ANKRD7: variants seen among roughly 807,000 people sequenced by gnomAD.
ANKRD7 encodes the protein ankyrin repeat domain 7, also known as ankyrin repeat domain-containing protein 7.
In ANKRD7, 30 loss-of-function variants were observed where a neutral mutation model predicts 30.8. That is an observed-to-expected ratio of 0.97 (90% CI 0.73 to 1.32). The LOEUF (loss-of-function observed/expected upper bound fraction) is 1.32, where lower values mean the gene tolerates loss of function less well. Ranked by LOEUF, ANKRD7 falls within the 40% of genes most tolerant of loss-of-function variation. The pLI, the probability that ANKRD7 is intolerant of heterozygous loss-of-function variation, is 0.00. For synonymous variants in ANKRD7, 97 were observed against 106.6 expected (o/e 0.91, Z 0.55); for missense variants, 264 against 295.7 (o/e 0.89, Z 0.79).
At chr7:118,228,913 T>C (rs1809587259) in intron 1 of ANKRD7, among the ~76,000 whole-genome samples, 1 of 152,212 alleles carries the variant, frequency 6.6e-6, no homozygotes, top group African/African-American at 2.4e-5. Flanking sequence ...AATGATCCTG[T>C]GTAATGTATG....
At chr7:118,229,113 T>G (rs148326173) in intron 1 of ANKRD7, among the ~76,000 whole-genome samples, 1 of 152,262 alleles carries the variant, frequency 6.6e-6, no homozygotes, top group Non-Finnish European at 1.5e-5. Flanking sequence ...GCCTTCTTAC[T>G]GTTCCACAGA....
intron 1 of ANKRD7, among the ~76,000 whole-genome samples, chr7:118,234,101 A>C (rs1809685083): frequency 6.6e-6 from 1 of 152,104 alleles, no homozygotes; most frequent in Admixed American, 6.5e-5. Context: ...TTTTAAATAT[A>C]ATTTCTAAAT....
chr7:118,241,745 G>T (rs1392226738), intron 6 of ANKRD7, among the ~76,000 whole-genome samples: 1 of 151,736 alleles, frequency 6.6e-6, no homozygotes, highest in Non-Finnish European at 1.5e-5. Flanking sequence ...CACCATGTTT[G>T]CCAGGCTGGT....
Position 118,239,994 on chromosome 7 carries a change from G to A in ANKRD7, c.*33G>A. 2.7e-6 allele frequency: 4 copies of A among 1,504,766 alleles called. No homozygotes were observed. Among genetic ancestry groups the A allele is most frequent in the Non-Finnish European group, 2.7e-6 (3 of 1,116,750 alleles). The allele number at this position is 1,504,766 out of a possible 1,614,324, so 93.2% of individuals were successfully genotyped here. A position where few individuals can be genotyped will look rare whatever the true frequency, so the allele number is the denominator to read the frequency against. ...ATTCTTGGCACTACATGTGACTAAA[G>A]GAAGGTAAGATTGCTAACTGGATTA... On this transcript the variant is annotated 3_prime_UTR_variant, in exon 6 of 7. Transcript: ENST00000265224.
chr7:118,227,173 G>T (rs1050505286), intron 1 of ANKRD7, among the ~76,000 whole-genome samples: 1 of 151,620 alleles, frequency 6.6e-6, no homozygotes, highest in Non-Finnish European at 1.5e-5. Context: ...GTTACTTTGG[G>T]ACTTACATAA....
rs765256765 is a variant in ANKRD7 at position 118,234,388 on chromosome 7, C to T, written c.180-43C>T. ...TGGGTAAAACAAGTAACTTCTCAAA[C>T]GAAGACTTATCTCTAACTTTGTGTT... On this transcript the variant is annotated intron_variant, in intron 1 of 6. Transcript: ENST00000265224. 30 of 1,385,674 alleles carry T rather than the reference C, an allele frequency of 2.2e-5. No homozygotes were observed. The East Asian group carries it at 2.8e-4, about 13-fold the overall frequency. The allele number at this position is 1,385,674 out of a possible 1,614,324, so 85.8% of individuals were successfully genotyped here. A position where few individuals can be genotyped will look rare whatever the true frequency, so the allele number is the denominator to read the frequency against.
At chr7:118,226,789 A>G (rs1809549719) in intron 1 of ANKRD7, among the ~76,000 whole-genome samples, 1 of 152,186 alleles carries the variant, frequency 6.6e-6, no homozygotes, top group African/African-American at 2.4e-5. Context: ...TACATGTTTC[A>G]TCTGCTAGTT....
chr7:118,232,948 A>C (rs553998153), intron 1 of ANKRD7, among the ~76,000 whole-genome samples: 1 of 152,208 alleles, frequency 6.6e-6, no homozygotes, highest in Admixed American at 6.5e-5. Flanking sequence ...GCTTAAAGCT[A>C]TTTAGCCCTG....
chr7:118,229,174 G>C (rs2115998854), intron 1 of ANKRD7, among the ~76,000 whole-genome samples: 1 of 152,036 alleles, frequency 6.6e-6, no homozygotes, highest in Non-Finnish European at 1.5e-5. Flanking sequence ...CCTCTGCCTG[G>C]GGTGCTTTTC....
chr7:118,225,117 C>T (rs976719236), intron 1 of ANKRD7, 108 bp downstream of exon 1: 6 of 1,280,042 alleles, frequency 4.7e-6, no homozygotes, highest in African/African-American at 1.5e-5. Context: ...CTCCGGGTTT[C>T]CCAAAGAAGA....
At chr7:118,233,764 A>G (rs1290804030) in intron 1 of ANKRD7, among the ~76,000 whole-genome samples, 5 of 152,148 alleles carry the variant, frequency 3.3e-5, no homozygotes, top group Admixed American at 1.3e-4. Context: ...TTAGAAGTAG[A>G]TAAATGTTTA....
In ANKRD7 at chr7:118,236,927, G is replaced by A. The variant is rs113033396; in HGVS notation, c.712+1G>A. ...ATGTTTATTTCCATGGTTTTACTGC[G>A]TAAGTGATACTGCATGTCTTTTAAC... On this transcript the variant is annotated splice_donor_variant, in intron 5 of 6. Transcript: ENST00000265224. LOFTEE classifies it high-confidence loss of function. 4.0e-5 allele frequency: 64 copies of A among 1,613,296 alleles called. No individual in the cohort carries two copies. In the East Asian group the frequency reaches 8.5e-4, roughly 21 times the overall value.
chr7:118,237,373 CA>C (rs1190874754), intron 5 of ANKRD7, among the ~76,000 whole-genome samples: 1 of 151,972 alleles, frequency 6.6e-6, no homozygotes, highest in East Asian at 1.9e-4. Context: ...TATTTACACC[CA>C]AAAGAAAAAC....
intron 4 of ANKRD7, among the ~76,000 whole-genome samples, 174 bp from the exon 5 acceptor site, chr7:118,236,616 T>A (rs1809734531): frequency 6.6e-6 from 1 of 152,224 alleles, no homozygotes; most frequent in African/African-American, 2.4e-5. Context: ...CTCCATGATA[T>A]GATCTGTGAC....
rs554912760 is a variant in ANKRD7, at chr7:118,232,310, G to GT, written c.180-2112dup. On this transcript the variant is annotated intron_variant, in intron 1 of 6. Coordinates refer to ENST00000265224, the MANE Select transcript of ANKRD7 (RefSeq NM_019644.4). ...TCTGTATGTTTTTTAAAACATTTTG[G>GT]TTTTTTTTTAAACTAAGATGACTGC... Among the ~76,000 whole-genome samples, 7 of 150,938 alleles carry GT rather than the reference G, an allele frequency of 4.6e-5. No homozygotes were observed. The South Asian group carries it at 8.4e-4, about 18-fold the overall frequency.
chr7:118,230,599 G>A (rs1809619433), intron 1 of ANKRD7, among the ~76,000 whole-genome samples: 1 of 151,458 alleles, frequency 6.6e-6, no homozygotes, highest in Non-Finnish European at 1.5e-5. Context: ...AAAGCTGAAT[G>A]AAAAAAATCT....
intron 1 of ANKRD7, among the ~76,000 whole-genome samples, chr7:118,231,061 T>C (rs1412729538): frequency 1.3e-5 from 2 of 151,996 alleles, no homozygotes; most frequent in East Asian, 3.9e-4. Context: ...GGAAAAACAT[T>C]GTTCTGAGAG....
At chr7:118,234,318 G>A (rs1422341606) in intron 1 of ANKRD7, 113 bp from the exon 2 acceptor site, 1 of 522,478 alleles carries the variant, frequency 1.9e-6, no homozygotes, top group Admixed American at 3.7e-5. Flanking sequence ...ATAGAAATAT[G>A]TGCATGAAGC....
chr7:118,240,072 C>T (rs1809801178), intron 6 of ANKRD7, 74 bp downstream of exon 6: 1 of 744,968 alleles, frequency 1.3e-6, no homozygotes, highest in Non-Finnish European at 1.9e-6. Flanking sequence ...AAGGAAACAA[C>T]TTTCTTAAGT....
Sources: allele counts gnomAD v4.1 joint callset (sites outside exome capture counted in the v4.1 genomes callset), GRCh38; gene constraint gnomAD v4.1.1; transcripts MANE v1.5; gene names NCBI Gene and HGNC (gene_info 2026-07-23, HGNC 2026-07-21).